Variants in KCTD15 observed in about 807,000 individuals in gnomAD.
KCTD15 encodes potassium channel tetramerization domain containing 15.
In KCTD15, 11 loss-of-function variants were observed where a neutral mutation model predicts 27.2. The ratio of observed to expected loss-of-function variants is 0.41; its 90% CI spans 0.25 to 0.67. The LOEUF is 0.67. Ranked by LOEUF, KCTD15 falls within the 30% of genes least tolerant of loss-of-function variation. KCTD15 has a pLI of 0.35. For missense variants in KCTD15, 350 were observed against 409.3 expected, an observed-to-expected ratio of 0.86 and a Z score of 1.25; for synonymous variants, 163 against 176.0, an observed-to-expected ratio of 0.93 and a Z score of 0.58.
chr19:33,797,821 T>C (rs1286650941), intron 1 of KCTD15, among the ~76,000 whole-genome samples: 2 of 152,046 alleles, frequency 1.3e-5, no homozygotes, highest in South Asian at 2.1e-4. Flanking sequence ...TTTCAATTAA[T>C]TTTTTTTTAA....
chr19:33,801,870 G>C (rs1327201613), intron 4 of KCTD15: 1 of 152,444 alleles, frequency 6.6e-6, no homozygotes, highest in Non-Finnish European at 1.5e-5. Flanking sequence ...CGTGGCCACT[G>C]CTGGGCCCTA....
chr19:33,795,936 G>T (rs113234981), upstream of KCTD15: 15,237 of 151,924 alleles, frequency 0.1, 903 homozygotes, highest in Non-Finnish European at 0.14. Flanking sequence ...GGGCAGCGGG[G>T]CAGAGACCCT....
intron 6 of KCTD15, 73 bp downstream of exon 6, chr19:33,811,625 T>C (rs1975926777): frequency 6.5e-7 from 1 of 1,546,304 alleles, no homozygotes; most frequent in East Asian, 2.3e-5. Context: ...CAGAGTGAGC[T>C]GGAGGGAGGC....
chr19:33,811,197 A>AAC, intron 5 of KCTD15, 50 bp from the exon 6 acceptor site: 7 of 181,186 alleles, frequency 3.9e-5, no homozygotes, highest in African/African-American at 6.9e-5. Flanking sequence ...CCCTTCCCCC[A>AAC]CCACCCCTAC....
In KCTD15 at chr19:33,815,141, G is replaced by T. The variant is rs973139022; in HGVS notation, c.*2193G>T. 6.6e-6 allele frequency: 1 copy of T among 152,064 alleles called. No individual in the cohort carries two copies. 9.4% of individuals were successfully genotyped at this position (152,064 alleles called of 1,614,324 possible). ...TGGTTACCGAGTGGTAGAGATTCTCGAACATTCTCAAACTCTCTTTTTGGG... is the reference window on the plus strand; with the variant it reads ...TGGTTACCGAGTGGTAGAGATTCTCTAACATTCTCAAACTCTCTTTTTGGG... On this transcript the variant is annotated 3_prime_UTR_variant, in exon 7 of 7. Coordinates refer to ENST00000683859, the MANE Select transcript of KCTD15 (RefSeq NM_001129994.2).
upstream of KCTD15, among the ~76,000 whole-genome samples, chr19:33,794,739 A>T (rs1975267107): frequency 6.6e-6 from 1 of 152,260 alleles, no homozygotes; most frequent in South Asian, 2.1e-4. Context: ...AGGAGATCAA[A>T]GTATTTGAAT....
At chr19:33,803,547 C>T (rs746901812) in intron 4 of KCTD15, among the ~76,000 whole-genome samples, 2 of 152,144 alleles carry the variant, frequency 1.3e-5, no homozygotes, top group Middle Eastern at 3.4e-3. Flanking sequence ...CTCTGGGTCT[C>T]GGCGGTTGGG....
At chr19:33,810,410 T>C (rs910920600) in intron 5 of KCTD15, among the ~76,000 whole-genome samples, 2 of 152,186 alleles carry the variant, frequency 1.3e-5, no homozygotes, top group African/African-American at 4.8e-5. Flanking sequence ...ATAAGGGAAC[T>C]GAGGCCGGGC....
Position 33,807,277 on chromosome 19 carries a change from T to C in KCTD15, c.387+270T>C, listed in dbSNP as rs1975742915. On this transcript the variant is annotated intron_variant, in intron 5 of 6. Transcript: ENST00000683859. ...GGATGGGCGCGTGCCAGCGTTATAGTAGTTAGAGGTTCATAAATCTGTTCC... is the reference window on the plus strand; with the variant it reads ...GGATGGGCGCGTGCCAGCGTTATAGCAGTTAGAGGTTCATAAATCTGTTCC... Among the ~76,000 whole-genome samples, 2 of 152,350 alleles carry C rather than the reference T, an allele frequency of 1.3e-5. 1 individual carries two copies. Among genetic ancestry groups the C allele is most frequent in the Non-Finnish European group, 2.9e-5 (2 of 68,040 alleles).
At chr19:33,795,720 A>G (rs1231652642), upstream of KCTD15, among the ~76,000 whole-genome samples, 1 of 152,052 alleles carries the variant, frequency 6.6e-6, no homozygotes, top group Non-Finnish European at 1.5e-5. Context: ...AGTGGGAGAA[A>G]AGGAGGAAGG....
intron 5 of KCTD15, 56 bp from the exon 6 acceptor site, chr19:33,811,191 T>G: frequency 4.1e-5 from 25 of 614,940 alleles, no homozygotes; most frequent in Admixed American, 6.6e-5. Context: ...CTCTCCCCCT[T>G]CCCCCACCAC....
At chr19:33,809,371 C>T (rs912566686) in intron 5 of KCTD15, among the ~76,000 whole-genome samples, 2 of 152,160 alleles carry the variant, frequency 1.3e-5, no homozygotes, top group African/African-American at 4.8e-5. Context: ...TGCAAAAGCA[C>T]GTGGCTGTGG....
chr19:33,794,528 G>A (rs1975263877), upstream of KCTD15, among the ~76,000 whole-genome samples: 1 of 152,198 alleles, frequency 6.6e-6, no homozygotes, highest in Admixed American at 6.5e-5. Flanking sequence ...GGTGTGAGGG[G>A]CGCTGGGGGC....
In KCTD15 at chr19:33,815,244, C is replaced by T. The variant is rs1052342556; in HGVS notation, c.*2296C>T. 3 of 151,790 alleles carry T rather than the reference C, an allele frequency of 2.0e-5. No individual in the cohort carries two copies. The highest frequency in any genetic ancestry group is 6.6e-5 in the Admixed American group (1 of 15,204). 9.4% of individuals were successfully genotyped at this position (151,790 alleles called of 1,614,324 possible). A position where few individuals can be genotyped will look rare whatever the true frequency, so the allele number is the denominator to read the frequency against. ...TAACTCTACCTGACTAAATGTTACTCTAATTTATTTATTTCTTTACTAATT... is the reference window on the plus strand; with the variant it reads ...TAACTCTACCTGACTAAATGTTACTTTAATTTATTTATTTCTTTACTAATT... On this transcript the variant is annotated 3_prime_UTR_variant, in exon 7 of 7. Transcript: ENST00000683859.
chr19:33,811,350 G>A lies in KCTD15; in HGVS notation c.491G>A (p.Arg164Gln), dbSNP rs1465395250. Reference sequence around the variant, plus strand: ...GAGCAGGAGCAGCGGCGCCGCAGCCGGGCCTGTGACTGCCTGGTGGTGCGC... The same window carrying A: ...GAGCAGGAGCAGCGGCGCCGCAGCCAGGCCTGTGACTGCCTGGTGGTGCGC... Reference protein sequence around the residue: ...QQEQEQRRRSRACDCLVVRVT... With the variant: ...QQEQEQRRRSQACDCLVVRVT... The change falls in exon 6 of 7, where the codon CGG becomes CAG. Residue 164 changes from arginine to glutamine, a missense_variant. Coordinates refer to ENST00000683859, the MANE Select transcript of KCTD15 (RefSeq NM_001129994.2). The A allele has an allele frequency of 2.6e-6, 4 of 1,568,152 alleles. No individual in the cohort carries two copies. The highest frequency in any genetic ancestry group is 1.9e-5 in the Admixed American group (1 of 53,482).
intron 2 of KCTD15, 82 bp downstream of exon 2, chr19:33,798,848 A>G (rs376397419): frequency 6.6e-6 from 1 of 152,404 alleles, no homozygotes; most frequent in Non-Finnish European, 1.5e-5. Flanking sequence ...GGCTTCTGTG[A>G]TGGAGGCTTG....
chr19:33,794,958 C>A (rs1278544639), upstream of KCTD15, among the ~76,000 whole-genome samples: 2 of 152,214 alleles, frequency 1.3e-5, no homozygotes, highest in Non-Finnish European at 2.9e-5. Context: ...CCGGAGGTAC[C>A]GGGGCGTAGG....
chr19:33,806,700 G>T (rs1166077472), intron 4 of KCTD15, among the ~76,000 whole-genome samples, 163 bp from the exon 5 acceptor site: 2 of 152,158 alleles, frequency 1.3e-5, no homozygotes, highest in Admixed American at 1.3e-4. Flanking sequence ...GCTGCCCCAG[G>T]TGTGTGCAGA....
rs1975978931 is a variant in KCTD15 at position 33,813,019 on chromosome 19, T to C, written c.*71T>C. 3 of 1,446,190 alleles carry C rather than the reference T, an allele frequency of 2.1e-6. No homozygotes were observed. The highest frequency in any genetic ancestry group is 2.5e-5 in the East Asian group (1 of 40,504). The allele number at this position is 1,446,190 out of a possible 1,614,324, so 89.6% of individuals were successfully genotyped here. ...AGTGCTGGGGAGTTCTGCCTGTGTA[T>C]ACTTGGCCGTGGGCATGAGACCGAG... is the stretch of plus-strand genomic sequence containing the variant. On this transcript the variant is annotated 3_prime_UTR_variant, in exon 7 of 7. Transcript: ENST00000683859.
Sources: gnomAD v4.1 joint callset for allele counts (sites outside exome capture counted in the v4.1 genomes callset) on GRCh38, gnomAD v4.1.1 for gene constraint, MANE v1.5 for transcripts, NCBI Gene and HGNC (gene_info 2026-07-23, HGNC 2026-07-21) for gene names.